The following ARHGAP6 variants were observed in gnomAD, a reference collection of about 807,000 sequenced individuals.
The protein encoded by ARHGAP6 is Rho GTPase activating protein 6.
In ARHGAP6, 16 loss-of-function variants were observed where a neutral mutation model predicts 55.7. The observed-to-expected ratio is 0.29, with a 90% CI of 0.19 to 0.44. The LOEUF is 0.44. ARHGAP6 is among the 20% of genes least tolerant of loss of function. ARHGAP6 has a pLI of 1.00. For missense variants in ARHGAP6, 698 were observed against 808.9 expected (o/e 0.86, Z 1.66); for synonymous variants, 382 against 360.9 (o/e 1.06, Z -0.66).
intron 1 of ARHGAP6, among the ~76,000 whole-genome samples, chrX:11,344,435 G>A (rs1028628286): frequency 9.1e-6 from 1 of 110,089 alleles, no homozygotes; most frequent in African/African-American, 3.3e-5. Flanking sequence ...CACTTTGGGA[G>A]GCCGAGGTGG....
At chrX:11,637,762 ATTT>A (rs55942514) in intron 1 of ARHGAP6, among the ~76,000 whole-genome samples, 1,395 of 103,771 alleles carry the variant, frequency 0.013, 22 homozygotes, top group African/African-American at 0.045. Flanking sequence ...TGTAATTTTG[ATTT>A]TTTTTTTTTG....
intron 1 of ARHGAP6, among the ~76,000 whole-genome samples, chrX:11,283,587 A>G (rs1244950407): frequency 1.8e-5 from 2 of 112,357 alleles, no homozygotes; most frequent in African/African-American, 3.2e-5. Flanking sequence ...GTTGCTAATC[A>G]TATGCTGTTA....
intron 1 of ARHGAP6, among the ~76,000 whole-genome samples, chrX:11,586,920 A>G (rs1165226358): frequency 1.8e-5 from 2 of 111,513 alleles, no homozygotes; most frequent in Admixed American, 9.5e-5. Context: ...GGTAATTTTA[A>G]TCTTTTTGTG....
At chrX:11,519,072 G>C (rs1257810986) in intron 1 of ARHGAP6, among the ~76,000 whole-genome samples, 1 of 94,380 alleles carries the variant, frequency 1.1e-5, no homozygotes, top group Non-Finnish European at 2.1e-5. Context: ...CTTTGCTATT[G>C]TGAATAATGC....
chrX:11,571,844 C>T (rs1225270121), intron 1 of ARHGAP6, among the ~76,000 whole-genome samples: 1 of 109,577 alleles, frequency 9.1e-6, no homozygotes, highest in East Asian at 2.8e-4. Flanking sequence ...GCCGTGATTG[C>T]ATCACTGTAC....
chrX:11,648,602 G>T (rs2052553770), intron 1 of ARHGAP6, among the ~76,000 whole-genome samples: 1 of 111,753 alleles, frequency 8.9e-6, no homozygotes, highest in Non-Finnish European at 1.9e-5. Flanking sequence ...ACTTCTACAT[G>T]ACCCCTTATA....
At chrX:11,354,327 CTATATATATATA>C (rs1174449401) in intron 1 of ARHGAP6, among the ~76,000 whole-genome samples, 1 of 32,350 alleles carries the variant, frequency 3.1e-5, no homozygotes, top group African/African-American at 1.3e-4. Flanking sequence ...CTCTCTCTCT[CTATATATATATA>C]TATATATATA....
intron 2 of ARHGAP6, among the ~76,000 whole-genome samples, chrX:11,232,375 C>G (rs1226277694): frequency 9.0e-6 from 1 of 111,339 alleles, no homozygotes; most frequent in African/African-American, 3.3e-5. Flanking sequence ...AATCCCAGCA[C>G]TTTGGGAGGC....
chrX:11,547,901 A>C (rs771691491), intron 1 of ARHGAP6, among the ~76,000 whole-genome samples: 78 of 111,655 alleles, frequency 7.0e-4, no homozygotes, highest in African/African-American at 2.5e-3. Context: ...GTAATAAATG[A>C]GTATCTGAGA....
intron 1 of ARHGAP6, among the ~76,000 whole-genome samples, chrX:11,316,906 G>T (rs984831607): frequency 1.8e-5 from 2 of 112,265 alleles, no homozygotes; most frequent in Non-Finnish European, 1.9e-5. Flanking sequence ...TCTTTTTTAG[G>T]GCTGAATAGT....
rs1340044204 is a variant in ARHGAP6, at chrX:11,174,565, CCTTCCTTCCTTTCTTT to C, written c.1629+3519_1629+3534del. On this transcript the variant is annotated intron_variant, in intron 8 of 12. Coordinates refer to ENST00000337414, the MANE Select transcript of ARHGAP6 (RefSeq NM_013427.3). ...TCCTTCCTTCCTTCCTTCCTTCCTT[CCTTCCTTCCTTTCTTT>C]CTTTCTTTCTTTTTCTTTCTTTCTT... Among the ~76,000 whole-genome samples the C allele has an allele frequency of 4.0e-3, 293 of 73,333 alleles. 8 individuals carry two copies. The highest frequency in any genetic ancestry group is 0.015 in the African/African-American group (255 of 16,683). 63.7% of individuals were successfully genotyped at this position (73,333 alleles called of 115,157 possible).
At chrX:11,197,868 T>G (rs1398470217) in intron 2 of ARHGAP6, among the ~76,000 whole-genome samples, 1 of 111,857 alleles carries the variant, frequency 8.9e-6, no homozygotes, top group African/African-American at 3.3e-5. Context: ...GAATGCGTTT[T>G]GAGGTTATGC....
chrX:11,353,549 AGTGTGTGTGTGTGTGTGTGTGTGTGTGT>A (rs200177159), intron 1 of ARHGAP6, among the ~76,000 whole-genome samples: 2 of 82,470 alleles, frequency 2.4e-5, no homozygotes, highest in Admixed American at 2.7e-4. Flanking sequence ...TATTGCTTAT[AGTGTGTGTGTGTGTGTGTGTGTGTGTGT>A]GTGTGTGTGT....
intron 2 of ARHGAP6, among the ~76,000 whole-genome samples, chrX:11,207,023 C>T (rs2046713629): frequency 9.0e-6 from 1 of 110,971 alleles, no homozygotes; most frequent in African/African-American, 3.3e-5. Flanking sequence ...AATAAAGTCC[C>T]CATTTCAGAT....
intron 1 of ARHGAP6, among the ~76,000 whole-genome samples, chrX:11,405,585 T>A (rs910137308): frequency 8.9e-6 from 1 of 112,355 alleles, no homozygotes; most frequent in Non-Finnish European, 1.9e-5. Flanking sequence ...AATGGCAAGC[T>A]CTGGCATATT....
At chrX:11,637,670 A>G (rs184090818) in intron 1 of ARHGAP6, among the ~76,000 whole-genome samples, 6 of 111,686 alleles carry the variant, frequency 5.4e-5, no homozygotes, top group African/African-American at 1.6e-4. Context: ...ACTGGGTTTA[A>G]ATAAAATTCT....
chrX:11,145,066 T>C (rs945944661), intron 10 of ARHGAP6: 1 of 111,901 alleles, frequency 8.9e-6, no homozygotes, highest in African/African-American at 3.3e-5. Flanking sequence ...GCATGGGAAG[T>C]CTTACCTGGA....
intron 1 of ARHGAP6, among the ~76,000 whole-genome samples, chrX:11,434,355 A>G (rs1321495506): frequency 8.9e-6 from 1 of 111,765 alleles, no homozygotes; most frequent in Non-Finnish European, 1.9e-5. Context: ...TCCAGAGCAG[A>G]AGAGTAGAGC....
chrX:11,390,180 G>T (rs928401677), intron 1 of ARHGAP6, among the ~76,000 whole-genome samples: 2 of 111,817 alleles, frequency 1.8e-5, no homozygotes, highest in Non-Finnish European at 3.8e-5. Flanking sequence ...TTATTAAATA[G>T]GGAATACTTT....
Sources: gnomAD v4.1 joint callset for allele counts (sites outside exome capture counted in the v4.1 genomes callset) on GRCh38, gnomAD v4.1.1 for gene constraint, MANE v1.5 for transcripts, NCBI Gene and HGNC (gene_info 2026-07-23, HGNC 2026-07-21) for gene names.